FBXL17: variants seen among roughly 807,000 people sequenced by gnomAD.
The protein encoded by FBXL17 is F-box and leucine rich repeat protein 17, also known as F-box/LRR-repeat protein 17.
FBXL17 carries 22 observed loss-of-function variants against 66.2 expected under a neutral mutation model. That is an observed-to-expected ratio of 0.33 (90% confidence interval 0.24 to 0.47). FBXL17 has a LOEUF of 0.47. Ranked by LOEUF, FBXL17 falls within the 20% of genes least tolerant of loss-of-function variation. The pLI is 1.00. For synonymous variants in FBXL17, 474 were observed against 400.5 expected, an observed-to-expected ratio of 1.18 and a Z score of -2.19; for missense variants, 878 against 948.2, an observed-to-expected ratio of 0.93 and a Z score of 0.97.
chr5:108,337,536 G>A lies in FBXL17; in HGVS notation c.1506+10863C>T, dbSNP rs1323108618. ...TCAAACCTACAACAAATTATCAATG[G>A]ATTAGTAAGAACTAACTAAATACAG... On this transcript the variant is annotated intron_variant, in intron 4 of 8. Transcript: ENST00000542267. Among the ~76,000 whole-genome samples, 6 of 152,088 alleles carry A rather than the reference G, an allele frequency of 3.9e-5. No homozygotes were observed. The East Asian group carries it at 1.2e-3, about 29-fold the overall frequency.
Position 107,881,096 on chromosome 5 carries a change from T to C in FBXL17, c.1906A>G (p.Thr636Ala). Reference protein sequence around the residue: ...WCKEITDQGATLIAQSSKSLR... With the variant: ...WCKEITDQGAALIAQSSKSLR... ...GACTTGCTGCTCTGTGCAATCAGGGTGGCTCCTTGGTCTGTGATTTCTTTA... is the reference window on the plus strand; with the variant it reads ...GACTTGCTGCTCTGTGCAATCAGGGCGGCTCCTTGGTCTGTGATTTCTTTA... The change falls in exon 8 of 9, where the codon ACC becomes GCC. Residue 636 changes from threonine (T) to alanine (A), a missense_variant. Physicochemically the swap from Thr to Ala is moderately conservative, Grantham distance 58 (BLOSUM62 0). Coordinates refer to ENST00000542267, the MANE Select transcript of FBXL17 (RefSeq NM_001163315.3). The C allele has an allele frequency of 6.2e-7, 1 of 1,614,086 alleles. No homozygotes were observed. The highest frequency in any genetic ancestry group is 1.1e-5 in the South Asian group (1 of 91,074).
chr5:108,121,642 C>T (rs1750504704), intron 6 of FBXL17, among the ~76,000 whole-genome samples: 1 of 151,974 alleles, frequency 6.6e-6, no homozygotes, highest in East Asian at 1.9e-4. Flanking sequence ...CTGCAAGCTC[C>T]GTCTCCAGGG....
intron 4 of FBXL17, among the ~76,000 whole-genome samples, chr5:108,335,916 G>A (rs1359113465): frequency 2.0e-5 from 3 of 149,110 alleles, no homozygotes; most frequent in Non-Finnish European, 4.5e-5. Flanking sequence ...TTCTAGAGGG[G>A]AAAAAAAAAC....
intron 7 of FBXL17, among the ~76,000 whole-genome samples, chr5:107,985,971 A>C (rs1328159309): frequency 1.3e-5 from 2 of 152,160 alleles, no homozygotes; most frequent in Non-Finnish European, 2.9e-5. Context: ...GACTATTGTC[A>C]ATGTTTGAAA....
chr5:108,224,269 C>A, intron 4 of FBXL17, 41 bp from the exon 5 acceptor site: 2 of 1,189,966 alleles, frequency 1.7e-6, no homozygotes, highest in South Asian at 1.3e-5. Context: ...AGGTAATAGT[C>A]CAGTGAACTC....
chr5:108,355,687 C>A (rs1423869516), intron 3 of FBXL17, among the ~76,000 whole-genome samples: 1 of 151,918 alleles, frequency 6.6e-6, no homozygotes, highest in African/African-American at 2.4e-5. Context: ...ATTGTGAATT[C>A]CAGGATAACC....
chr5:107,879,279 G>T (rs1748705573), intron 8 of FBXL17: 1 of 985,444 alleles, frequency 1.0e-6, no homozygotes, highest in Non-Finnish European at 1.2e-6. Flanking sequence ...TAGCATTCAT[G>T]TGGCAGTTCC....
At chr5:108,267,153 A>G (rs1456870970) in intron 4 of FBXL17, among the ~76,000 whole-genome samples, 1 of 152,096 alleles carries the variant, frequency 6.6e-6, no homozygotes, top group Admixed American at 6.5e-5. Context: ...GGATATCACT[A>G]AAAATTATTT....
At chr5:108,189,105 G>C (rs1753355638) in intron 5 of FBXL17, among the ~76,000 whole-genome samples, 1 of 152,126 alleles carries the variant, frequency 6.6e-6, no homozygotes, top group African/African-American at 2.4e-5. Context: ...GGAGACACCA[G>C]AAGGATAGAT....
chr5:107,861,656 C>T lies in FBXL17; in HGVS notation c.*64G>A. The stretch of plus-strand genomic sequence containing the variant: ...TAAAACCCTTCCGAGAGATCAGCTC[C>T]CCAAATGTACAATTCTCCTCTGCTC... On this transcript the variant is annotated 3_prime_UTR_variant, in exon 9 of 9. Coordinates refer to ENST00000542267, the MANE Select transcript of FBXL17 (RefSeq NM_001163315.3). 1.4e-6 allele frequency: 2 copies of T among 1,411,896 alleles called. No individual in the cohort carries two copies. Among genetic ancestry groups the T allele is most frequent in the Non-Finnish European group, 1.9e-6 (2 of 1,066,888 alleles). 87.5% of individuals were successfully genotyped at this position (1,411,896 alleles called of 1,614,324 possible).
chr5:108,234,324 G>C (rs1251393629), intron 4 of FBXL17, among the ~76,000 whole-genome samples: 1 of 152,174 alleles, frequency 6.6e-6, no homozygotes, highest in Non-Finnish European at 1.5e-5. Flanking sequence ...CGTGTGCCCA[G>C]CTAAGTCCTC....
intron 7 of FBXL17, among the ~76,000 whole-genome samples, chr5:107,920,552 C>T (rs1208025096): frequency 1.3e-5 from 2 of 152,106 alleles, no homozygotes; most frequent in Non-Finnish European, 2.9e-5. Flanking sequence ...ATTGCAACAA[C>T]CTAACTCAAT....
At chr5:108,329,644 T>C (rs1760024135) in intron 4 of FBXL17, among the ~76,000 whole-genome samples, 1 of 152,144 alleles carries the variant, frequency 6.6e-6, no homozygotes, top group Non-Finnish European at 1.5e-5. Context: ...TTATAAAAAA[T>C]TATCAGAACA....
intron 8 of FBXL17, among the ~76,000 whole-genome samples, chr5:107,868,035 G>A (rs911539149): frequency 6.6e-5 from 10 of 152,156 alleles, no homozygotes; most frequent in Non-Finnish European, 1.2e-4. Context: ...AGGTAAGGAC[G>A]GGGAAGACAG....
At chr5:107,987,451 G>A (rs1012438214) in intron 7 of FBXL17, among the ~76,000 whole-genome samples, 2 of 151,928 alleles carry the variant, frequency 1.3e-5, no homozygotes, top group South Asian at 2.1e-4. Context: ...CTTGCAGAAC[G>A]AAACTTGTTG....
intron 6 of FBXL17, among the ~76,000 whole-genome samples, chr5:108,135,953 T>A (rs963926945): frequency 6.6e-6 from 1 of 152,140 alleles, no homozygotes; most frequent in Non-Finnish European, 1.5e-5. Flanking sequence ...CATAGTTTTT[T>A]ATGGGCCATG....
intron 6 of FBXL17, among the ~76,000 whole-genome samples, chr5:108,113,312 A>G (rs561103983): frequency 4.2e-4 from 64 of 152,242 alleles, no homozygotes; most frequent in African/African-American, 1.5e-3. Context: ...TTTAAAACAC[A>G]CTTTAACTAC....
intron 1 of FBXL17, 129 bp from the exon 2 acceptor site, chr5:108,368,082 G>T: frequency 2.5e-6 from 2 of 786,992 alleles, no homozygotes; most frequent in Non-Finnish European, 4.0e-6. Flanking sequence ...GGCCATTATT[G>T]TAAGTCACCG....
intron 6 of FBXL17, among the ~76,000 whole-genome samples, chr5:108,141,355 T>A (rs1459060150): frequency 2.6e-5 from 4 of 152,122 alleles, no homozygotes; most frequent in Admixed American, 2.6e-4. Flanking sequence ...ACATTCCTTT[T>A]CCTATTGTCA....
Sources: gnomAD v4.1 joint callset for allele counts (sites outside exome capture counted in the v4.1 genomes callset) on GRCh38, gnomAD v4.1.1 for gene constraint, MANE v1.5 for transcripts, NCBI Gene and HGNC (gene_info 2026-07-23, HGNC 2026-07-21) for gene names.